The following SLC25A24 variants were observed in gnomAD, a reference collection of about 807,000 sequenced individuals.
SLC25A24 encodes mitochondrial adenyl nucleotide antiporter SLC25A24.
A neutral mutation model predicts 60.7 loss-of-function variants in SLC25A24; 49 were observed. That is an observed-to-expected ratio of 0.81 (90% CI 0.64 to 1.02). The LOEUF is 1.02. Ranked by LOEUF, SLC25A24 falls within the 50% of genes least tolerant of loss-of-function variation. The pLI, the probability that SLC25A24 is intolerant of heterozygous loss-of-function variation, is 0.00. For missense variants in SLC25A24, 564 were observed against 586.3 expected (o/e 0.96, Z 0.39); for synonymous variants, 202 against 200.6 (o/e 1.01, Z -0.06).
At chr1:108,156,268 T>C (rs565182532) in intron 5 of SLC25A24, among the ~76,000 whole-genome samples, 1 of 152,370 alleles carries the variant, frequency 6.6e-6, no homozygotes, top group African/African-American at 2.4e-5. Flanking sequence ...CAGTGAGTTA[T>C]GTGAGTCTTT....
At position 108,192,606 on chromosome 1, in the gene SLC25A24, C is replaced by T; in HGVS notation, c.184-6652G>A. ...TAGTCCAGGTACCAAAAGAGATCTCCGTAGAGGGAGTCCATCGAGGATGTC... is the reference window on the plus strand; with the variant it reads ...TAGTCCAGGTACCAAAAGAGATCTCTGTAGAGGGAGTCCATCGAGGATGTC... On this transcript the variant is annotated intron_variant, in intron 1 of 9. Coordinates refer to ENST00000565488, the MANE Select transcript of SLC25A24 (RefSeq NM_013386.5). 7 of 1,497,500 alleles carry T rather than the reference C, an allele frequency of 4.7e-6. 2 individuals carry two copies. Among genetic ancestry groups the T allele is most frequent in the Non-Finnish European group, 5.4e-6 (6 of 1,112,974 alleles). The allele number at this position is 1,497,500 out of a possible 1,614,324, so 92.8% of individuals were successfully genotyped here. A position where few individuals can be genotyped will look rare whatever the true frequency, so the allele number is the denominator to read the frequency against.
chr1:108,187,846 C>A (rs1388662996), intron 1 of SLC25A24, among the ~76,000 whole-genome samples: 2 of 144,558 alleles, frequency 1.4e-5, no homozygotes, highest in East Asian at 2.1e-4. Flanking sequence ...GCAATGTCAA[C>A]TAGTGAAAAA....
chr1:108,161,442 A>G (rs1680081328), intron 3 of SLC25A24, 149 bp from the exon 4 acceptor site: 1 of 592,754 alleles, frequency 1.7e-6, no homozygotes, highest in Admixed American at 3.5e-5. Flanking sequence ...GGTTGTTGGA[A>G]ATGGCAGCAA....
At chr1:108,154,654 T>C (rs1345587601) in intron 6 of SLC25A24, among the ~76,000 whole-genome samples, 2 of 152,210 alleles carry the variant, frequency 1.3e-5, no homozygotes, top group African/African-American at 4.8e-5. Flanking sequence ...AGAGGTTAGA[T>C]TGTGACACTT....
At chr1:108,152,639 G>A (rs1324817197) in intron 6 of SLC25A24, among the ~76,000 whole-genome samples, 1 of 152,330 alleles carries the variant, frequency 6.6e-6, no homozygotes, top group South Asian at 2.1e-4. Context: ...GAGCCACCAC[G>A]CCCGGCTCCC....
intron 3 of SLC25A24, among the ~76,000 whole-genome samples, chr1:108,167,422 G>A (rs897628322): frequency 1.4e-4 from 21 of 152,180 alleles, no homozygotes; most frequent in African/African-American, 5.1e-4. Context: ...ATCTCAGACT[G>A]CTGTGCTAGC....
intron 1 of SLC25A24, 28 bp from the exon 2 acceptor site, chr1:108,185,982 T>C: frequency 6.6e-7 from 1 of 1,522,994 alleles, no homozygotes; most frequent in Non-Finnish European, 8.9e-7. Flanking sequence ...AGAGAAGTTA[T>C]TGCCAATATG....
chr1:108,157,700 T>C (rs2101614188), intron 4 of SLC25A24, 80 bp from the exon 5 acceptor site: 3 of 1,475,578 alleles, frequency 2.0e-6, no homozygotes, highest in Non-Finnish European at 2.8e-6. Flanking sequence ...AGAAGAATCA[T>C]GTTATTTTAC....
intron 6 of SLC25A24, among the ~76,000 whole-genome samples, chr1:108,152,917 T>C (rs1219546116): frequency 3.3e-5 from 5 of 152,148 alleles, no homozygotes; most frequent in Non-Finnish European, 5.9e-5. Flanking sequence ...TAAAGGGCAT[T>C]TCCCACCATA....
Position 108,161,946 on chromosome 1 carries a change from CT to C in SLC25A24, c.399-654del, listed in dbSNP as rs1265375148. Reference sequence around the variant, plus strand: ...ATATCTCCCAATGCCATCCCTCCCCCTCCCCCCACCCCACAACAGTCCCCAG... The same window carrying C: ...ATATCTCCCAATGCCATCCCTCCCCCCCCCCCACCCCACAACAGTCCCCAG... On this transcript the variant is annotated intron_variant, in intron 3 of 9. Transcript: ENST00000565488. Among the ~76,000 whole-genome samples the C allele has an allele frequency of 1.4e-4, 18 of 129,630 alleles. 2 individuals are homozygous for C. The highest frequency in any genetic ancestry group is 5.0e-4 in the African/African-American group (18 of 35,732). The allele number at this position is 129,630 out of a possible 152,430, so 85.0% of individuals were successfully genotyped here.
chr1:108,154,119 A>G (rs1455795401), intron 6 of SLC25A24, among the ~76,000 whole-genome samples: 1 of 148,446 alleles, frequency 6.7e-6, no homozygotes, highest in Non-Finnish European at 1.5e-5. Flanking sequence ...AAAGAAAAGG[A>G]TACCACTGGA....
In SLC25A24 at chr1:108,185,745, A is replaced by G. The variant is rs1264637757; in HGVS notation, c.310+83T>C. 6 of 1,022,288 alleles carry G rather than the reference A, an allele frequency of 5.9e-6. No homozygotes were observed. The Admixed American group carries it at 1.8e-4, about 31-fold the overall frequency. 63.3% of individuals were successfully genotyped at this position (1,022,288 alleles called of 1,614,324 possible). A position where few individuals can be genotyped will look rare whatever the true frequency, so the allele number is the denominator to read the frequency against. ...ATAATTATCATCTAAAACCAGAGAGATTAAATAAGCATCCTTTTAGACTCT... is the reference window on the plus strand; with the variant it reads ...ATAATTATCATCTAAAACCAGAGAGGTTAAATAAGCATCCTTTTAGACTCT... On this transcript the variant is annotated intron_variant, in intron 2 of 9. Transcript: ENST00000565488.
chr1:108,150,911 T>G (rs962442612), intron 6 of SLC25A24, among the ~76,000 whole-genome samples: 1 of 151,930 alleles, frequency 6.6e-6, no homozygotes, highest in African/African-American at 2.4e-5. Flanking sequence ...ATCAAAATCC[T>G]CCCTCCAGGC....
At position 108,136,149 on chromosome 1, in the gene SLC25A24, C is replaced by T. The variant is rs1679275744; in HGVS notation, c.*504G>A. Reference sequence around the variant, plus strand: ...GCTGAAAGAAAAATAAGGACATAAACCCTATACTTATTTGGATGCTTTTGC... The same window carrying T: ...GCTGAAAGAAAAATAAGGACATAAATCCTATACTTATTTGGATGCTTTTGC... On this transcript the variant is annotated 3_prime_UTR_variant, in exon 10 of 10. Coordinates refer to ENST00000565488, the MANE Select transcript of SLC25A24 (RefSeq NM_013386.5). 6.6e-6 allele frequency: 1 copy of T among 152,266 alleles called. No individual in the cohort carries two copies. Among genetic ancestry groups the T allele is most frequent in the Non-Finnish European group, 1.5e-5 (1 of 68,172 alleles). The allele number at this position is 152,266 out of a possible 1,614,324, so 9.4% of individuals were successfully genotyped here. A position where few individuals can be genotyped will look rare whatever the true frequency, so the allele number is the denominator to read the frequency against.
At position 108,176,335 on chromosome 1, in the gene SLC25A24, AAAG is replaced by A. The variant is rs769646897; in HGVS notation, c.398+5603_398+5605del. ...TATTTGAAAATACACAGAGGAGAAA[AAAG>A]AATGAAAATGAATGAAGAAAGCTTA... On this transcript the variant is annotated intron_variant, in intron 3 of 9. Coordinates refer to ENST00000565488, the MANE Select transcript of SLC25A24 (RefSeq NM_013386.5). 3.3e-5 allele frequency among the ~76,000 whole-genome samples: 5 copies of A among 152,314 alleles called. No homozygotes were observed. In the South Asian group the frequency reaches 1.0e-3, roughly 32 times the overall value.
At position 108,185,039 on chromosome 1, in the gene SLC25A24, A is replaced by G. The variant is rs7551523; in HGVS notation, c.310+789T>C. Among the ~76,000 whole-genome samples the G allele has an allele frequency of 6.6e-3, 1,009 of 152,282 alleles. 8 individuals are homozygous for G. The highest frequency in any genetic ancestry group is 0.023 in the African/African-American group (965 of 41,554). ...ATAAGGTCTTCAGAGTAGGGCCCCC[A>G]TGATGGGACTAGTGGCTTTTTAAGA... On this transcript the variant is annotated intron_variant, in intron 2 of 9. Coordinates refer to ENST00000565488, the MANE Select transcript of SLC25A24 (RefSeq NM_013386.5).
At chr1:108,155,172 G>T (rs1429077881) in intron 5 of SLC25A24, 37 bp from the exon 6 acceptor site, 11 of 1,575,934 alleles carry the variant, frequency 7.0e-6, no homozygotes, top group Non-Finnish European at 9.5e-6. Context: ...AATGCTGGTG[G>T]CATATTACTA....
intron 7 of SLC25A24, among the ~76,000 whole-genome samples, chr1:108,144,469 T>C (rs773465553): frequency 3.3e-5 from 5 of 152,332 alleles, no homozygotes; most frequent in Non-Finnish European, 5.9e-5. Flanking sequence ...CTGGGATACA[T>C]GTGCAGAACG....
intron 3 of SLC25A24, among the ~76,000 whole-genome samples, chr1:108,162,175 T>A (rs1680105776): frequency 6.6e-6 from 1 of 152,134 alleles, no homozygotes; most frequent in Non-Finnish European, 1.5e-5. Flanking sequence ...TGCCACATTT[T>A]CTTAATCCAG....
Sources: allele counts gnomAD v4.1 joint callset (sites outside exome capture counted in the v4.1 genomes callset), GRCh38; gene constraint gnomAD v4.1.1; transcripts MANE v1.5; gene names NCBI Gene and HGNC (gene_info 2026-07-23, HGNC 2026-07-21).